The following ARHGAP27 variants were observed in gnomAD, a reference collection of about 807,000 sequenced individuals.
The protein encoded by ARHGAP27 is rho GTPase-activating protein 27.
A neutral mutation model predicts 102.0 loss-of-function variants in ARHGAP27; 53 were observed. That is an observed-to-expected ratio of 0.52 (90% confidence interval 0.42 to 0.65). The LOEUF (loss-of-function observed/expected upper bound fraction) is 0.65. ARHGAP27 is among the 30% of genes least tolerant of loss of function. The pLI is 0.00. For missense variants in ARHGAP27, 1,117 were observed against 1,256.2 expected (o/e 0.89, Z 1.68); for synonymous variants, 525 against 542.8 (o/e 0.97, Z 0.46).
chr17:45,404,817 G>GTGCA, intron 6 of ARHGAP27, 107 bp downstream of exon 6: 4 of 1,548,914 alleles, frequency 2.6e-6, no homozygotes. Flanking sequence ...GGCTGGTTTA[G>GTGCA]GCTCTGTGTG....
chr17:45,429,379 T>C lies in ARHGAP27; in HGVS notation c.657+244A>G, dbSNP rs537100131. The C allele has an allele frequency of 1.6e-5, 22 of 1,339,020 alleles. No individual in the cohort carries two copies. In the African/African-American group the frequency reaches 3.1e-4, roughly 19 times the overall value. 82.9% of individuals were successfully genotyped at this position (1,339,020 alleles called of 1,614,324 possible). On this transcript the variant is annotated intron_variant, in intron 4 of 19. Coordinates refer to ENST00000685559, the MANE Select transcript of ARHGAP27 (RefSeq NM_001282290.2). The stretch of plus-strand genomic sequence containing the variant: ...AGTTCAAGCGCAATTTTGCCACCAA[T>C]TGGATTACGAAAAGCCTCTGGGCTT...
chr17:45,414,218 C>T (rs1206722056), intron 4 of ARHGAP27, among the ~76,000 whole-genome samples: 1 of 152,042 alleles, frequency 6.6e-6, no homozygotes, highest in Non-Finnish European at 1.5e-5. Flanking sequence ...CACCTTCTGC[C>T]CTCCCCCTCA....
chr17:45,431,531 G>A, intron 3 of ARHGAP27, 90 bp downstream of exon 3: 1 of 194,728 alleles, frequency 5.1e-6, no homozygotes, highest in South Asian at 7.0e-5. Context: ...CCGGAGGCGG[G>A]GTCATCGAGC....
chr17:45,410,555 T>C (rs1185655409), intron 4 of ARHGAP27: 4 of 676,158 alleles, frequency 5.9e-6, no homozygotes, highest in Non-Finnish European at 8.6e-6. Context: ...TAATGACCAG[T>C]GAGCCGCATC....
chr17:45,410,448 A>C, intron 4 of ARHGAP27: 2 of 966,856 alleles, frequency 2.1e-6, no homozygotes, highest in Non-Finnish European at 2.6e-6. Context: ...GGGCTGCGGA[A>C]GTGCTGCCTG....
intron 4 of ARHGAP27, among the ~76,000 whole-genome samples, chr17:45,417,749 G>A (rs2048610099): frequency 1.4e-5 from 2 of 139,812 alleles, no homozygotes; most frequent in South Asian, 2.2e-4. Context: ...GCAAGATTCT[G>A]TCTCAAAAAA....
In ARHGAP27 at chr17:45,395,648, G is replaced by A; in HGVS notation, c.2493-15C>T. 1.9e-6 allele frequency: 3 copies of A among 1,593,160 alleles called. No individual in the cohort carries two copies. The highest frequency in any genetic ancestry group is 2.6e-6 in the Non-Finnish European group (3 of 1,170,860). Reference sequence around the variant, plus strand: ...GCTCGATCACCCTGTGGCAGGGGTGGGTGGGTTCAGGGCTCCGAACTGCGA... The same window carrying A: ...GCTCGATCACCCTGTGGCAGGGGTGAGTGGGTTCAGGGCTCCGAACTGCGA... On this transcript the variant is annotated splice_polypyrimidine_tract_variant and intron_variant, in intron 19 of 19. Coordinates refer to ENST00000685559, the MANE Select transcript of ARHGAP27 (RefSeq NM_001282290.2).
At chr17:45,421,499 G>A in intron 4 of ARHGAP27, among the ~76,000 whole-genome samples, 1 of 152,030 alleles carries the variant, frequency 6.6e-6, no homozygotes. Flanking sequence ...AAAAAATAAA[G>A]AAACAATAAT....
At chr17:45,396,854 G>A in intron 14 of ARHGAP27, 62 bp downstream of exon 14, 1 of 1,606,756 alleles carries the variant, frequency 6.2e-7, no homozygotes, top group Non-Finnish European at 8.5e-7. Context: ...GCAGGCCCCA[G>A]CAACCGTCAC....
intron 4 of ARHGAP27, among the ~76,000 whole-genome samples, chr17:45,421,659 A>G (rs1410959401): frequency 1.3e-5 from 2 of 152,188 alleles, no homozygotes; most frequent in Admixed American, 6.5e-5. Flanking sequence ...GGAACCCCAG[A>G]GAAGGGACAG....
Position 45,395,744 on chromosome 17 carries a change from C to T in ARHGAP27, c.2492G>A (p.Arg831Gln). The change falls in exon 19 of 20, where the codon CGG (arginine) becomes CAG (glutamine). Residue 831 changes from arginine (R) to glutamine (Q), a missense_variant and splice_region_variant. Physicochemically the swap from Arg to Gln is conservative, Grantham distance 43. Coordinates refer to ENST00000685559, the MANE Select transcript of ARHGAP27 (RefSeq NM_001282290.2). ...TLRMLFQHLC[R>Q]VIEHGEQNRM... is the part of the protein sequence containing the mutation. ...TTCCCGCGCGGGCCGCCCGGCTCAC[C>T]GGCAGAGGTGCTGGAAGAGCATCCG... 6.3e-7 allele frequency: 1 copy of T among 1,591,620 alleles called. No homozygotes were observed. The highest frequency in any genetic ancestry group is 8.5e-7 in the Non-Finnish European group (1 of 1,173,048).
At position 45,398,003 on chromosome 17, in the gene ARHGAP27, C is replaced by T. The variant is rs141908251; in HGVS notation, c.1788G>A (p.Ser596=). The part of the protein sequence containing the change: ...DGSEYLIQHD[S]EAIISTWHKA... ...TATGCCAGGTGCTGATGATGGCCTC[C>T]GAGTCGTGCTGGATCAGGTACTCAG... Residue 596 remains serine, a synonymous_variant, in exon 13 of 20, where the codon TCG becomes TCA. Coordinates refer to ENST00000685559, the MANE Select transcript of ARHGAP27 (RefSeq NM_001282290.2). 2.7e-4 allele frequency: 434 copies of T among 1,610,816 alleles called. No individual in the cohort carries two copies. Among genetic ancestry groups the T allele is most frequent in the Non-Finnish European group, 3.5e-4 (417 of 1,177,552 alleles).
At chr17:45,428,403 C>CTT (rs2049806828) in intron 4 of ARHGAP27, among the ~76,000 whole-genome samples, 1 of 152,226 alleles carries the variant, frequency 6.6e-6, no homozygotes, top group Admixed American at 6.5e-5. Context: ...TGTGCTTACA[C>CTT]CAGAGGACGC....
Position 45,429,624 on chromosome 17 carries a change from T to C in ARHGAP27, c.656A>G (p.Gln219Arg). 2 of 1,580,428 alleles carry C rather than the reference T, an allele frequency of 1.3e-6. No individual in the cohort carries two copies. The highest frequency in any genetic ancestry group is 1.7e-6 in the Non-Finnish European group (2 of 1,163,102). Residue 219 changes from glutamine to arginine, a missense_variant and splice_region_variant, in exon 4 of 20, where the codon CAG (glutamine) becomes CGG (arginine). Coordinates refer to ENST00000685559, the MANE Select transcript of ARHGAP27 (RefSeq NM_001282290.2). ...HVPPPEESAE[Q>R]VDDPPEPVYA... ...GCGCCCCAGCGCCCGGGGAGGTACC[T>C]GCTCTGCGCTCTCCTCCGGCGGCGG... is the stretch of plus-strand genomic sequence containing the variant.
intron 13 of ARHGAP27, 44 bp downstream of exon 13, chr17:45,397,904 GC>G: frequency 6.5e-7 from 1 of 1,533,958 alleles, no homozygotes. Flanking sequence ...ACTCATAATG[GC>G]CACCCCCTCC....
chr17:45,416,853 C>T (rs1325980934), intron 4 of ARHGAP27, among the ~76,000 whole-genome samples: 2 of 145,566 alleles, frequency 1.4e-5, no homozygotes, highest in African/African-American at 5.0e-5. Flanking sequence ...GGCCTGTATT[C>T]ATTTCTTAAA....
At chr17:45,421,564 A>T (rs549673144) in intron 4 of ARHGAP27, among the ~76,000 whole-genome samples, 2 of 152,218 alleles carry the variant, frequency 1.3e-5, no homozygotes, top group Admixed American at 6.5e-5. Context: ...GAGTCTACAG[A>T]GTGACAGGTT....
At chr17:45,406,160 G>A in intron 4 of ARHGAP27, 77 bp from the exon 5 acceptor site, 1 of 1,382,394 alleles carries the variant, frequency 7.2e-7, no homozygotes, top group Non-Finnish European at 9.5e-7. Flanking sequence ...TCTGGGCAGT[G>A]CGATTATAGG....
chr17:45,396,349 T>C (rs1221803028), intron 16 of ARHGAP27, 65 bp from the exon 17 acceptor site: 3 of 1,515,284 alleles, frequency 2.0e-6, no homozygotes, highest in African/African-American at 2.8e-5. Flanking sequence ...TACGGGTCCC[T>C]GCTATGACTC....
Sources: allele counts gnomAD v4.1 joint callset (sites outside exome capture counted in the v4.1 genomes callset), GRCh38; gene constraint gnomAD v4.1.1; transcripts MANE v1.5; gene names NCBI Gene and HGNC (gene_info 2026-07-23, HGNC 2026-07-21).